Variants in XPO6 observed in about 807,000 individuals in gnomAD.
The protein encoded by XPO6 is exportin-6.
Under a neutral mutation model 130.0 loss-of-function variants are expected in XPO6, and 3 were observed. The ratio of observed to expected loss-of-function variants is 0.02; its 90% CI spans 0.01 to 0.06. XPO6 has a LOEUF of 0.06. XPO6 is among the 10% of genes least tolerant of loss of function. The probability of loss-of-function intolerance (pLI) is 1.00; values close to 1 mark genes in which losing one functional copy is unlikely to be tolerated. For missense variants in XPO6, 970 were observed against 1,393.0 expected (o/e 0.70, Z 4.83); for synonymous variants, 524 against 548.9 (o/e 0.95, Z 0.63).
intron 8 of XPO6, among the ~76,000 whole-genome samples, chr16:28,147,085 T>C (rs1439785321): frequency 6.6e-6 from 1 of 152,210 alleles, no homozygotes; most frequent in African/African-American, 2.4e-5. Context: ...ACATATTTGG[T>C]GACAAGATCA....
chr16:28,104,688 T>C lies in XPO6; in HGVS notation c.2804A>G (p.Lys935Arg), dbSNP rs1336338584. 1 of 1,614,050 alleles carries C rather than the reference T, an allele frequency of 6.2e-7. No homozygotes were observed. ...IIAERPSPDV[K>R]AELFELLFRT... ...GAAAAGGAGCTCAAACAGCTCGGCC[T>C]TCACATCAGGGGAGGGACGCTGCAA... Residue 935 changes from lysine to arginine, a missense_variant, in exon 21 of 24, where the codon AAG (lysine) becomes AGG (arginine). By Grantham distance (26) the Lys-to-Arg change is conservative (BLOSUM62 2). Around this residue, in one of 4 missense-constraint regions of XPO6, gnomAD observed 936 missense variants for 1,306.8 expected, o/e 0.72. Coordinates refer to ENST00000304658, the MANE Select transcript of XPO6 (RefSeq NM_015171.4).
intron 1 of XPO6, among the ~76,000 whole-genome samples, chr16:28,189,640 G>T (rs1034686108): frequency 1.3e-5 from 2 of 152,060 alleles, no homozygotes; most frequent in Non-Finnish European, 2.9e-5. Flanking sequence ...GCATGTAACA[G>T]GACTGCTAAG....
At chr16:28,178,797 T>C (rs901745403) in intron 2 of XPO6, among the ~76,000 whole-genome samples, 1 of 150,838 alleles carries the variant, frequency 6.6e-6, no homozygotes, top group African/African-American at 2.4e-5. Flanking sequence ...GCCGGGCCCA[T>C]TGGCTCATGC....
In XPO6 at chr16:28,152,720, G is replaced by C; in HGVS notation, c.1163C>G (p.Ser388Cys). Residue 388 changes from serine (S) to cysteine (C), a missense_variant, in exon 8 of 24, where the codon TCT (serine) becomes TGT (cysteine). This residue lies in a region of XPO6 where 936 missense variants were observed against 1,306.8 expected (regional missense o/e 0.72). Transcript: ENST00000304658. The part of the protein sequence containing the change: ...FVSVHLRRIE[S>C]YSQFPVVEFL... ...CTCCACCACAGGGAACTGGGAGTAA[G>C]ACTCGATTCTTCTTAGGTGAACACT... 6.2e-7 allele frequency: 1 copy of C among 1,613,590 alleles called. No homozygotes were observed. The highest frequency in any genetic ancestry group is 1.1e-5 in the South Asian group (1 of 90,974).
intron 14 of XPO6, among the ~76,000 whole-genome samples, chr16:28,118,247 T>C (rs1319977026): frequency 1.3e-5 from 2 of 152,248 alleles, no homozygotes; most frequent in Non-Finnish European, 2.9e-5. Flanking sequence ...CATTGGTGGT[T>C]GTGAATTGGT....
At chr16:28,175,742 T>G (rs1321739403) in intron 4 of XPO6, among the ~76,000 whole-genome samples, 156 bp downstream of exon 4, 1 of 152,188 alleles carries the variant, frequency 6.6e-6, no homozygotes, top group African/African-American at 2.4e-5. Context: ...ACAATATGTC[T>G]TATAAATATA....
At chr16:28,170,522 C>T (rs894484781) in intron 4 of XPO6, among the ~76,000 whole-genome samples, 1 of 152,008 alleles carries the variant, frequency 6.6e-6, no homozygotes, top group Admixed American at 6.5e-5. Flanking sequence ...CTAACACAGC[C>T]TTTGTTACTT....
rs2042823991 is a variant in XPO6, at chr16:28,138,457, G to A, written c.1335-3133C>T. Among the ~76,000 whole-genome samples the A allele has an allele frequency of 2.2e-5, 3 of 138,038 alleles. No individual in the cohort carries two copies. In the South Asian group the frequency reaches 6.4e-4, roughly 29 times the overall value. 90.6% of individuals were successfully genotyped at this position (138,038 alleles called of 152,430 possible). On this transcript the variant is annotated intron_variant, in intron 9 of 23. Coordinates refer to ENST00000304658, the MANE Select transcript of XPO6 (RefSeq NM_015171.4). ...TCTTAACTGGCAATTGGCAACTCTG[G>A]CTGCAAAAAAAACCCGTATCGCTTA...
At chr16:28,179,483 T>C (rs2043583142) in intron 2 of XPO6, among the ~76,000 whole-genome samples, 3 of 152,242 alleles carry the variant, frequency 2.0e-5, no homozygotes, top group Non-Finnish European at 1.5e-5. Flanking sequence ...CAAACCAGAC[T>C]GGAACTGAGG....
intron 9 of XPO6, among the ~76,000 whole-genome samples, chr16:28,143,370 C>T (rs1185851068): frequency 6.6e-6 from 1 of 152,240 alleles, no homozygotes; most frequent in Non-Finnish European, 1.5e-5. Flanking sequence ...CATCTAGATG[C>T]TGTGCCAGGT....
chr16:28,098,443 T>C lies in XPO6; in HGVS notation c.*95A>G. On this transcript the variant is annotated 3_prime_UTR_variant, in exon 24 of 24. Coordinates refer to ENST00000304658, the MANE Select transcript of XPO6 (RefSeq NM_015171.4). ...GCTTGCGGTGGGAGAAGCCAAGGAG[T>C]GTGACCAAGGCCCATCTGGGAGACA... 9.2e-7 allele frequency: 1 copy of C among 1,092,728 alleles called. No individual in the cohort carries two copies. Among genetic ancestry groups the C allele is most frequent in the South Asian group, 1.5e-5 (1 of 67,726 alleles). 67.7% of individuals were successfully genotyped at this position (1,092,728 alleles called of 1,614,324 possible). A position where few individuals can be genotyped will look rare whatever the true frequency, so the allele number is the denominator to read the frequency against.
At chr16:28,102,976 T>G (rs923671233) in intron 21 of XPO6, among the ~76,000 whole-genome samples, 4 of 152,054 alleles carry the variant, frequency 2.6e-5, no homozygotes, top group African/African-American at 9.7e-5. Flanking sequence ...AGGGATGAGA[T>G]CTCCATGATG....
intron 1 of XPO6, among the ~76,000 whole-genome samples, chr16:28,188,988 G>A (rs2043741596): frequency 6.6e-6 from 1 of 151,988 alleles, no homozygotes; most frequent in Admixed American, 6.6e-5. Flanking sequence ...GGAGGCACAG[G>A]TCTTGCTCTG....
chr16:28,113,906 A>G (rs2086991097), intron 15 of XPO6, among the ~76,000 whole-genome samples: 1 of 152,226 alleles, frequency 6.6e-6, no homozygotes, highest in Non-Finnish European at 1.5e-5. Context: ...AATACAACAT[A>G]AATTTATGGA....
chr16:28,204,606 C>G lies in XPO6; in HGVS notation c.3+6760G>C, dbSNP rs140842521. 3.7e-4 allele frequency among the ~76,000 whole-genome samples: 56 copies of G among 152,126 alleles called. 1 individual carries two copies. Among genetic ancestry groups the G allele is most frequent in the Non-Finnish European group, 5.9e-4 (40 of 68,012 alleles). On this transcript the variant is annotated intron_variant, in intron 1 of 23. Transcript: ENST00000304658. ...GATGTCAAGCAGACAGCTGGAGACT[C>G]GAGAACTGGAGCTGAGGAGAGAGAT...
At chr16:28,145,437 G>C (rs981401734) in intron 9 of XPO6, among the ~76,000 whole-genome samples, 2 of 152,120 alleles carry the variant, frequency 1.3e-5, no homozygotes, top group Admixed American at 6.6e-5. Flanking sequence ...AAATGGGTTT[G>C]AGAAACATAT....
chr16:28,176,011 G>T lies in XPO6; in HGVS notation c.292C>A (p.His98Asn), dbSNP rs1297861470. Reference protein sequence around the residue: ...RSCLPKLLLAHHKTLPYFIRN... With the variant: ...RSCLPKLLLANHKTLPYFIRN... ...ATAAAGTAAGGTAAGGTTTTATGGT[G>T]AGCCAAAAGGAGTTTGGGCAGACAG... Residue 98 changes from histidine to asparagine, a missense_variant, in exon 4 of 24, where the codon CAC becomes AAC. By Grantham distance (68) the His-to-Asn change is moderately conservative. Coordinates refer to ENST00000304658, the MANE Select transcript of XPO6 (RefSeq NM_015171.4). 3 of 1,614,054 alleles carry T rather than the reference G, an allele frequency of 1.9e-6. No homozygotes were observed. Among genetic ancestry groups the T allele is most frequent in the Non-Finnish European group, 1.7e-6 (2 of 1,180,038 alleles).
intron 1 of XPO6, among the ~76,000 whole-genome samples, chr16:28,188,206 T>C (rs1375299111): frequency 6.6e-6 from 1 of 152,232 alleles, no homozygotes; most frequent in East Asian, 1.9e-4. Flanking sequence ...CCTCTCAAAG[T>C]TCTGGGATTA....
At chr16:28,147,628 A>G (rs2043008543) in intron 8 of XPO6, among the ~76,000 whole-genome samples, 1 of 152,146 alleles carries the variant, frequency 6.6e-6, no homozygotes, top group South Asian at 2.1e-4. Flanking sequence ...AATAACCAGG[A>G]AAAACAATGA....
Sources: allele counts gnomAD v4.1 joint callset (sites outside exome capture counted in the v4.1 genomes callset), GRCh38; gene constraint gnomAD v4.1.1; regional missense constraint gnomAD v4.1.1; transcripts MANE v1.5; gene names NCBI Gene and HGNC (gene_info 2026-07-23, HGNC 2026-07-21).